The following CALN1 variants were observed in gnomAD, a reference collection of about 807,000 sequenced individuals.
The protein encoded by CALN1 is calcium-binding protein 8.
Under a neutral mutation model 30.6 loss-of-function variants are expected in CALN1, and 17 were observed. The observed-to-expected ratio is 0.56, with a 90% CI of 0.38 to 0.83. CALN1 has a LOEUF of 0.83. Among genes scored for constraint, CALN1 ranks in the 40% least tolerant of loss-of-function variants. The pLI is 0.00. For missense variants in CALN1, 291 were observed against 354.9 expected, an observed-to-expected ratio of 0.82 and a Z score of 1.45; for synonymous variants, 156 against 131.4, an observed-to-expected ratio of 1.19 and a Z score of -1.28.
chr7:71,820,483 T>C (rs1377610431), intron 5 of CALN1, among the ~76,000 whole-genome samples: 1 of 152,222 alleles, frequency 6.6e-6, no homozygotes, highest in Non-Finnish European at 1.5e-5. Flanking sequence ...TCTTCACGTA[T>C]TGTTTAGAGC....
chr7:72,087,325 G>T (rs980604770), intron 4 of CALN1, among the ~76,000 whole-genome samples: 1 of 152,156 alleles, frequency 6.6e-6, no homozygotes, highest in Admixed American at 6.6e-5. Context: ...CGAGGTCAGG[G>T]GTTTGAGACC....
At chr7:72,074,815 T>C (rs1459067798) in intron 4 of CALN1, among the ~76,000 whole-genome samples, 1 of 152,162 alleles carries the variant, frequency 6.6e-6, no homozygotes, top group Admixed American at 6.5e-5. Context: ...CAAATACTCA[T>C]GAGATGTCTA....
Position 71,943,308 on chromosome 7 carries a change from G to C in CALN1, c.501+80349C>G, listed in dbSNP as rs1025276143. Among the ~76,000 whole-genome samples, 3 of 152,224 alleles carry C rather than the reference G, an allele frequency of 2.0e-5. No individual in the cohort carries two copies. The East Asian group carries it at 5.8e-4, about 29-fold the overall frequency. On this transcript the variant is annotated intron_variant, in intron 5 of 6. Transcript: ENST00000395275. The stretch of plus-strand genomic sequence containing the variant: ...AATATAGAGTAGATACAGTACTGCA[G>C]AGTGCTAGAGCTCAGGTTTTATGTA...
At chr7:71,811,691 T>C (rs1787968251) in intron 5 of CALN1, among the ~76,000 whole-genome samples, 1 of 150,716 alleles carries the variant, frequency 6.6e-6, no homozygotes, top group Admixed American at 6.6e-5. Flanking sequence ...TTTTTTTTTT[T>C]TTCCGAAATG....
chr7:71,857,022 G>GTATGTA (rs201761475), intron 5 of CALN1, among the ~76,000 whole-genome samples: 5 of 106,806 alleles, frequency 4.7e-5, no homozygotes, highest in Admixed American at 1.9e-4. Context: ...ATGTATGTGT[G>GTATGTA]TGTGTGTGTG....
intron 3 of CALN1, among the ~76,000 whole-genome samples, chr7:72,240,384 C>T (rs770992702): frequency 1.6e-4 from 25 of 151,862 alleles, no homozygotes; most frequent in African/African-American, 4.8e-5. Flanking sequence ...TTGTAGAGTT[C>T]GAGTCTTGCT....
intron 5 of CALN1, among the ~76,000 whole-genome samples, chr7:71,832,664 A>C (rs1789359323): frequency 6.6e-6 from 1 of 152,080 alleles, no homozygotes. Flanking sequence ...GCAGTGGCAC[A>C]ATCTTGGCTC....
At chr7:71,941,406 A>AT (rs1182517461) in intron 5 of CALN1, among the ~76,000 whole-genome samples, 1 of 151,994 alleles carries the variant, frequency 6.6e-6, no homozygotes, top group Non-Finnish European at 1.5e-5. Flanking sequence ...AAGTTAACTG[A>AT]CGGGGGGAAG....
At chr7:72,247,348 C>A (rs373983555) in intron 3 of CALN1, among the ~76,000 whole-genome samples, 1 of 146,422 alleles carries the variant, frequency 6.8e-6, no homozygotes, top group African/African-American at 2.5e-5. Flanking sequence ...TCCCGGTTCA[C>A]GCCATTCTCC....
chr7:72,407,148 T>C (rs1457029161), intron 1 of CALN1, among the ~76,000 whole-genome samples: 2 of 152,204 alleles, frequency 1.3e-5, no homozygotes, highest in Admixed American at 6.5e-5. Context: ...AGAACATCAC[T>C]AATCAAATTA....
chr7:72,042,962 C>A (rs1802223578), intron 4 of CALN1, among the ~76,000 whole-genome samples: 1 of 152,188 alleles, frequency 6.6e-6, no homozygotes. Context: ...CCCCCACTCT[C>A]ACTCTCAGTT....
intron 6 of CALN1, among the ~76,000 whole-genome samples, chr7:71,804,529 A>AATAC (rs1194844694): frequency 6.6e-6 from 1 of 152,144 alleles, no homozygotes; most frequent in Non-Finnish European, 1.5e-5. Flanking sequence ...TAAATAAATA[A>AATAC]ATAAACTCAC....
chr7:72,040,001 G>T (rs1408958968), intron 4 of CALN1, among the ~76,000 whole-genome samples: 1 of 152,114 alleles, frequency 6.6e-6, no homozygotes, highest in Non-Finnish European at 1.5e-5. Flanking sequence ...AACATAAGCT[G>T]CCTTTATGCT....
intron 5 of CALN1, among the ~76,000 whole-genome samples, chr7:71,940,232 G>C (rs949390453): frequency 6.6e-6 from 1 of 152,156 alleles, no homozygotes; most frequent in African/African-American, 2.4e-5. Context: ...TAGAAACAAA[G>C]ATGTATTGAA....
At chr7:71,876,548 T>TA (rs1318049327) in intron 5 of CALN1, among the ~76,000 whole-genome samples, 1 of 152,166 alleles carries the variant, frequency 6.6e-6, no homozygotes, top group South Asian at 2.1e-4. Flanking sequence ...AGTCTTTTTA[T>TA]AAAAAATTCC....
rs908697410 is a variant in CALN1 at position 72,328,140 on chromosome 7, C to T, written c.120-49330G>A. 1.7e-4 allele frequency among the ~76,000 whole-genome samples: 26 copies of T among 151,908 alleles called. 1 individual carries two copies. Among genetic ancestry groups the T allele is most frequent in the Non-Finnish European group, 3.7e-4 (25 of 68,000 alleles). ...TTAAAAAAAAAATGTTTACTTTCAT[C>T]GCTAAAAAATGTCTTAAGCACAAAA... On this transcript the variant is annotated intron_variant, in intron 2 of 6. Transcript: ENST00000395275.
intron 4 of CALN1, among the ~76,000 whole-genome samples, chr7:72,097,967 G>A (rs1806363382): frequency 6.6e-6 from 1 of 152,138 alleles, no homozygotes; most frequent in Non-Finnish European, 1.5e-5. Flanking sequence ...ACCCGCCTCG[G>A]CCTCACAAAG....
intron 3 of CALN1, among the ~76,000 whole-genome samples, chr7:72,235,932 G>T (rs1181147375): frequency 2.0e-5 from 3 of 151,798 alleles, no homozygotes; most frequent in Non-Finnish European, 4.4e-5. Flanking sequence ...AACCAGCCCT[G>T]GGGTCCAAAT....
At chr7:72,455,177 C>T in the CALN1 span, among the ~76,000 whole-genome samples, 1 of 152,018 alleles carries the variant, frequency 6.6e-6, no homozygotes, top group Non-Finnish European at 1.5e-5. Context: ...TGGAGTGCAC[C>T]TGTAGTCTCA....
Sources: allele counts gnomAD v4.1 joint callset (sites outside exome capture counted in the v4.1 genomes callset), GRCh38; gene constraint gnomAD v4.1.1; transcripts MANE v1.5; gene names NCBI Gene and HGNC (gene_info 2026-07-23, HGNC 2026-07-21).